Variants in SKAP2 observed in about 807,000 individuals in gnomAD.
SKAP2 encodes the protein src kinase-associated phosphoprotein 2.
Under a neutral mutation model 54.9 loss-of-function variants are expected in SKAP2, and 28 were observed. That is an observed-to-expected ratio of 0.51 (90% CI 0.38 to 0.70). SKAP2 has a LOEUF of 0.70. SKAP2 is among the 30% of genes least tolerant of loss of function. SKAP2 has a pLI of 0.00. For synonymous variants in SKAP2, 137 were observed against 134.3 expected (o/e 1.02, Z -0.14); for missense variants, 356 against 424.1 (o/e 0.84, Z 1.41).
chr7:26,775,392 A>C (rs976898560), intron 4 of SKAP2, among the ~76,000 whole-genome samples: 3 of 152,334 alleles, frequency 2.0e-5, no homozygotes, highest in African/African-American at 7.2e-5. Context: ...TCTCAGAAAT[A>C]ATACAGAATC....
In SKAP2 at chr7:26,768,752, A is replaced by T. The variant is rs185133960; in HGVS notation, c.308-28788T>A. 1.6e-3 allele frequency among the ~76,000 whole-genome samples: 244 copies of T among 152,242 alleles called. 1 individual carries two copies. Among genetic ancestry groups the T allele is most frequent in the African/African-American group, 5.7e-3 (235 of 41,546 alleles). ...CTAGATATGAAATTCTGGGTTGAAA[A>T]TTCTTTTCTTTAAGAATGTTGAATA... On this transcript the variant is annotated intron_variant, in intron 4 of 12. Coordinates refer to ENST00000345317, the MANE Select transcript of SKAP2 (RefSeq NM_003930.5).
intron 11 of SKAP2, among the ~76,000 whole-genome samples, chr7:26,684,062 T>C (rs1786573590): frequency 6.6e-6 from 1 of 152,044 alleles, no homozygotes. Context: ...ATAATCACAA[T>C]AAGAAACTTG....
At chr7:26,751,940 G>A (rs1333593821) in intron 4 of SKAP2, among the ~76,000 whole-genome samples, 1 of 152,086 alleles carries the variant, frequency 6.6e-6, no homozygotes, top group African/African-American at 2.4e-5. Context: ...GGAAAGGGAG[G>A]AGGCAGAGTG....
rs1379604273 is a variant in SKAP2, at chr7:26,778,918, A to G, written c.308-38954T>C. 3.3e-5 allele frequency among the ~76,000 whole-genome samples: 5 copies of G among 152,024 alleles called. No homozygotes were observed. The East Asian group carries it at 9.6e-4, about 29-fold the overall frequency. Reference sequence around the variant, plus strand: ...CACTGTCAACATCAAAAGCAGCTATAAAGACTATTTTTCAGACTATGTAAT... The same window carrying G: ...CACTGTCAACATCAAAAGCAGCTATGAAGACTATTTTTCAGACTATGTAAT... On this transcript the variant is annotated intron_variant, in intron 4 of 12. Transcript: ENST00000345317.
chr7:26,728,621 C>T (rs897086869), intron 6 of SKAP2, among the ~76,000 whole-genome samples: 4 of 152,074 alleles, frequency 2.6e-5, no homozygotes, highest in African/African-American at 4.8e-5. Context: ...GCACTTAAAA[C>T]CAGCACGCAG....
At chr7:26,846,266 C>G (rs10270187) in intron 3 of SKAP2, among the ~76,000 whole-genome samples, 32,191 of 151,632 alleles carry the variant, frequency 0.21, 3,496 homozygotes, top group Non-Finnish European at 0.24. Context: ...TATTTAAAAC[C>G]AACAGTGAAA....
intron 4 of SKAP2, among the ~76,000 whole-genome samples, chr7:26,763,255 A>G (rs1221756726): frequency 1.3e-5 from 2 of 152,196 alleles, no homozygotes; most frequent in Admixed American, 6.5e-5. Context: ...ACAAAGGAAA[A>G]TAAGTGCTCA....
intron 9 of SKAP2, among the ~76,000 whole-genome samples, chr7:26,698,855 T>C (rs1786958065): frequency 6.6e-6 from 1 of 152,184 alleles, no homozygotes; most frequent in Non-Finnish European, 1.5e-5. Context: ...CAAGCAAAAA[T>C]TAGGATTTTA....
At chr7:26,747,140 A>AGT (rs201194753) in intron 4 of SKAP2, among the ~76,000 whole-genome samples, 7,354 of 152,234 alleles carry the variant, frequency 0.048, 604 homozygotes, top group African/African-American at 0.17. Flanking sequence ...TAATTGTGTT[A>AGT]CTTTAGCATA....
chr7:26,684,785 G>GA lies in SKAP2; in HGVS notation c.937dup (p.Ser313PhefsTer2). The GA allele has an allele frequency of 6.2e-7, 1 of 1,612,984 alleles. No homozygotes were observed. Among genetic ancestry groups the GA allele is most frequent in the Non-Finnish European group, 8.5e-7 (1 of 1,179,286 alleles). On this transcript the variant is annotated frameshift_variant, in exon 11 of 13. Coordinates refer to ENST00000345317, the MANE Select transcript of SKAP2 (RefSeq NM_003930.5). LOFTEE classifies it high-confidence loss of function. ...ACCACGCTTAAATGACAACTCATCA[G>GA]AAAAAGCTCCAGTACAATCCCACAA...
At chr7:26,792,460 C>T (rs1368102464) in intron 4 of SKAP2, among the ~76,000 whole-genome samples, 1 of 152,150 alleles carries the variant, frequency 6.6e-6, no homozygotes, top group East Asian at 1.9e-4. Context: ...TTTGGAGCCA[C>T]TGACCTGTGT....
At chr7:26,858,760 G>C (rs1265179099) in intron 1 of SKAP2, among the ~76,000 whole-genome samples, 3 of 152,122 alleles carry the variant, frequency 2.0e-5, no homozygotes, top group Non-Finnish European at 4.4e-5. Context: ...ACTACACCAG[G>C]TCAGAACAGT....
At chr7:26,714,658 A>C (rs999780775) in intron 9 of SKAP2, among the ~76,000 whole-genome samples, 1 of 152,180 alleles carries the variant, frequency 6.6e-6, no homozygotes, top group Non-Finnish European at 1.5e-5. Flanking sequence ...TAGGAAGTTG[A>C]TATTCCCAGC....
intron 4 of SKAP2, among the ~76,000 whole-genome samples, chr7:26,783,737 T>C (rs76973057): frequency 0.026 from 3,980 of 151,950 alleles, 171 homozygotes; most frequent in African/African-American, 0.091. Context: ...TAAAAGCAGA[T>C]GCAAAAAGAA....
chr7:26,666,626 T>C (rs1786109248), downstream of SKAP2, among the ~76,000 whole-genome samples: 1 of 152,180 alleles, frequency 6.6e-6, no homozygotes, highest in Non-Finnish European at 1.5e-5. Flanking sequence ...CACCTACACA[T>C]GGTTGAAAAG....
chr7:26,820,730 C>CTCAT (rs1784369453), intron 4 of SKAP2, among the ~76,000 whole-genome samples: 1 of 131,654 alleles, frequency 7.6e-6, no homozygotes, highest in Non-Finnish European at 1.7e-5. Flanking sequence ...AATCAGTTAT[C>CTCAT]TTTTAGCTAC....
At chr7:26,834,666 A>G (rs1322485141) in intron 4 of SKAP2, among the ~76,000 whole-genome samples, 2 of 152,228 alleles carry the variant, frequency 1.3e-5, no homozygotes, top group Non-Finnish European at 2.9e-5. Flanking sequence ...ATCTCTGAAT[A>G]GACCCATAAC....
chr7:26,835,718 A>C (rs1784693017), intron 4 of SKAP2, among the ~76,000 whole-genome samples: 1 of 152,188 alleles, frequency 6.6e-6, no homozygotes, highest in African/African-American at 2.4e-5. Flanking sequence ...AAAATATTCC[A>C]TGCTTATGGA....
intron 9 of SKAP2, among the ~76,000 whole-genome samples, chr7:26,699,536 C>T (rs1337617614): frequency 6.6e-6 from 1 of 152,038 alleles, no homozygotes; most frequent in Non-Finnish European, 1.5e-5. Context: ...GTTTTAATTT[C>T]CAATAGGGTA....
Sources: allele counts gnomAD v4.1 joint callset (sites outside exome capture counted in the v4.1 genomes callset), GRCh38; gene constraint gnomAD v4.1.1; transcripts MANE v1.5; gene names NCBI Gene and HGNC (gene_info 2026-07-23, HGNC 2026-07-21).